Variants in AK5 observed in about 807,000 individuals in gnomAD.
The protein encoded by AK5 is adenylate kinase 5, also known as adenylate kinase isoenzyme 5.
A neutral mutation model predicts 69.5 loss-of-function variants in AK5; 27 were observed. The ratio of observed to expected loss-of-function variants is 0.39; its 90% confidence interval spans 0.29 to 0.54. AK5 has a LOEUF of 0.54. Ranked by LOEUF, AK5 falls within the 20% of genes least tolerant of loss-of-function variation. The pLI is 0.71. For missense variants in AK5, 531 were observed against 700.4 expected, an observed-to-expected ratio of 0.76 and a Z score of 2.73; for synonymous variants, 260 against 244.4, an observed-to-expected ratio of 1.06 and a Z score of -0.60.
intron 10 of AK5, among the ~76,000 whole-genome samples, chr1:77,507,006 A>T (rs529696280): frequency 6.6e-6 from 1 of 152,324 alleles, no homozygotes; most frequent in South Asian, 2.1e-4. Flanking sequence ...CTCAAAAAAA[A>T]AAACCACATA....
intron 13 of AK5, among the ~76,000 whole-genome samples, chr1:77,545,778 G>A (rs746092373): frequency 2.0e-5 from 3 of 152,076 alleles, no homozygotes; most frequent in Admixed American, 6.6e-5. Flanking sequence ...AGTCTGAAGC[G>A]TCCCTGCATT....
intron 10 of AK5, among the ~76,000 whole-genome samples, chr1:77,510,969 T>C (rs1657314840): frequency 6.7e-6 from 1 of 149,542 alleles, no homozygotes; most frequent in Admixed American, 6.7e-5. Context: ...CTTTGTCTCC[T>C]GTAAAATATA....
intron 5 of AK5, among the ~76,000 whole-genome samples, chr1:77,306,751 A>AT (rs1170377893): frequency 1.3e-5 from 2 of 151,830 alleles, no homozygotes; most frequent in Non-Finnish European, 1.5e-5. Context: ...TAACTGGGAG[A>AT]TTTTTTATTG....
chr1:77,384,919 T>C (rs1570478810), intron 6 of AK5, among the ~76,000 whole-genome samples: 1 of 152,018 alleles, frequency 6.6e-6, no homozygotes, highest in East Asian at 1.9e-4. Flanking sequence ...GGCAGAATGG[T>C]ATAGTGGAAG....
chr1:77,486,228 G>T, intron 9 of AK5, 80 bp from the exon 10 acceptor site: 1 of 922,680 alleles, frequency 1.1e-6, no homozygotes, highest in Non-Finnish European at 1.7e-6. Context: ...ACAAGGTTTG[G>T]GTTTTTATAT....
chr1:77,475,503 T>TTA (rs369359291), intron 8 of AK5, among the ~76,000 whole-genome samples: 4 of 71,270 alleles, frequency 5.6e-5, no homozygotes, highest in Non-Finnish European at 7.7e-5. Context: ...CAAATATATA[T>TTA]TATATATATA....
chr1:77,430,166 G>A (rs1415043744), intron 8 of AK5, among the ~76,000 whole-genome samples: 1 of 152,000 alleles, frequency 6.6e-6, no homozygotes, highest in Non-Finnish European at 1.5e-5. Context: ...CATCTATGGA[G>A]TCCAGAGTGG....
At chr1:77,547,446 G>T (rs1659600084) in intron 13 of AK5, among the ~76,000 whole-genome samples, 1 of 151,786 alleles carries the variant, frequency 6.6e-6, no homozygotes, top group African/African-American at 2.4e-5. Flanking sequence ...GCTAATTTTT[G>T]TATTTTTAGT....
intron 12 of AK5, among the ~76,000 whole-genome samples, chr1:77,531,898 C>G (rs954940728): frequency 2.0e-5 from 3 of 151,686 alleles, no homozygotes; most frequent in African/African-American, 7.3e-5. Flanking sequence ...GGTCCCGAGC[C>G]CTGCCCCGCG....
intron 8 of AK5, among the ~76,000 whole-genome samples, chr1:77,459,727 A>G (rs1355870015): frequency 6.6e-6 from 1 of 152,192 alleles, no homozygotes; most frequent in Non-Finnish European, 1.5e-5. Flanking sequence ...CTATCATAGT[A>G]TCTGGCTCAT....
chr1:77,321,933 A>G (rs1660555779), intron 5 of AK5, among the ~76,000 whole-genome samples: 1 of 152,190 alleles, frequency 6.6e-6, no homozygotes, highest in Admixed American at 6.5e-5. Flanking sequence ...AAATTTAGCA[A>G]GGTCATGGAA....
At chr1:77,417,005 G>A (rs1650472665) in intron 7 of AK5, among the ~76,000 whole-genome samples, 1 of 152,076 alleles carries the variant, frequency 6.6e-6, no homozygotes, top group African/African-American at 2.4e-5. Flanking sequence ...GGATTAATGG[G>A]TAACTGATTT....
intron 8 of AK5, among the ~76,000 whole-genome samples, chr1:77,443,415 A>T (rs1652454029): frequency 6.6e-6 from 1 of 152,160 alleles, no homozygotes; most frequent in African/African-American, 2.4e-5. Context: ...TAACCTCTTC[A>T]AGCCTGCATT....
intron 8 of AK5, among the ~76,000 whole-genome samples, chr1:77,459,423 C>A (rs912100704): frequency 6.6e-6 from 1 of 152,152 alleles, no homozygotes; most frequent in African/African-American, 2.4e-5. Context: ...ACCACCACTA[C>A]CCCAGTAGAC....
chr1:77,374,116 G>C (rs1426744704), intron 6 of AK5, among the ~76,000 whole-genome samples: 1 of 152,128 alleles, frequency 6.6e-6, no homozygotes, highest in Non-Finnish European at 1.5e-5. Context: ...CCTGAAATTA[G>C]ATTGGTATCT....
intron 1 of AK5, chr1:77,283,568 C>T: frequency 2.0e-6 from 2 of 985,394 alleles, no homozygotes; most frequent in Non-Finnish European, 2.4e-6. Context: ...TCTCTCACCT[C>T]TATAAGCCAC....
chr1:77,524,756 A>G (rs1006698602), intron 12 of AK5, among the ~76,000 whole-genome samples: 1 of 152,040 alleles, frequency 6.6e-6, no homozygotes, highest in African/African-American at 2.4e-5. Context: ...GTGTAGTCCA[A>G]TTTATCTATT....
intron 6 of AK5, chr1:77,349,395 T>C (rs1258351232): frequency 6.6e-6 from 1 of 152,152 alleles, no homozygotes; most frequent in Non-Finnish European, 1.5e-5. Flanking sequence ...ATTTTGTAAA[T>C]GAGAAAAACG....
At chr1:77,309,387 G>A (rs1659818420) in intron 5 of AK5, among the ~76,000 whole-genome samples, 1 of 151,978 alleles carries the variant, frequency 6.6e-6, no homozygotes, top group African/African-American at 2.4e-5. Context: ...TTATATACCT[G>A]TCTACACGTT....
Sources: gnomAD v4.1 joint callset for allele counts (sites outside exome capture counted in the v4.1 genomes callset) on GRCh38, gnomAD v4.1.1 for gene constraint, MANE v1.5 for transcripts, NCBI Gene and HGNC (gene_info 2026-07-23, HGNC 2026-07-21) for gene names.